IMPG1: variants seen among roughly 807,000 people sequenced by gnomAD.
The protein encoded by IMPG1 is interphotoreceptor matrix proteoglycan 1.
In IMPG1, 85 loss-of-function variants were observed where a neutral mutation model predicts 92.0. The ratio of observed to expected loss-of-function variants is 0.92; its 90% confidence interval spans 0.78 to 1.11. IMPG1 has a LOEUF of 1.11. Among genes scored for constraint, IMPG1 ranks in the 50% least tolerant of loss-of-function variants. IMPG1 has a pLI of 0.00. For missense variants in IMPG1, 1,022 were observed against 956.0 expected, an observed-to-expected ratio of 1.07 and a Z score of -0.91; for synonymous variants, 367 against 334.1, an observed-to-expected ratio of 1.10 and a Z score of -1.08.
At chr6:75,974,432 C>CCTTCCTTCCTTCCTTCCTTCCTTCCTTT (rs1782498279) in intron 12 of IMPG1, among the ~76,000 whole-genome samples, 2 of 137,558 alleles carry the variant, frequency 1.5e-5, no homozygotes, top group Non-Finnish European at 3.1e-5. Flanking sequence ...TTCCTTGCTT[C>CCTTCCTTCCTTCCTTCCTTCCTTCCTTT]CTTCCTTCCT....
chr6:76,022,224 G>T lies in IMPG1; in HGVS notation c.563-5C>A. ...CAAGTGAGACGTTGGCAACATCTGT[G>T]AAAATTTTAAAAATTAAAGACACAA... is the stretch of plus-strand genomic sequence containing the variant. On this transcript the variant is annotated splice_polypyrimidine_tract_variant and splice_region_variant and intron_variant, in intron 5 of 16. Coordinates refer to ENST00000369950, the MANE Select transcript of IMPG1 (RefSeq NM_001563.4). 6.5e-7 allele frequency: 1 copy of T among 1,544,850 alleles called. No individual in the cohort carries two copies. Among genetic ancestry groups the T allele is most frequent in the South Asian group, 1.1e-5 (1 of 89,372 alleles).
rs563216347 is a variant in IMPG1 at position 76,026,892 on chromosome 6, A to G, written c.498-1634T>C. On this transcript the variant is annotated intron_variant, in intron 4 of 16. Transcript: ENST00000369950. ...GGGCATGGCTTGTAACTCCAGTGGCAAGACTTTGCCTTATGGAATGAGCCC... is the reference window on the plus strand; with the variant it reads ...GGGCATGGCTTGTAACTCCAGTGGCGAGACTTTGCCTTATGGAATGAGCCC... Among the ~76,000 whole-genome samples the G allele has an allele frequency of 2.0e-5, 3 of 152,298 alleles. No homozygotes were observed. In the South Asian group the frequency reaches 6.2e-4, roughly 32 times the overall value.
At chr6:76,023,825 A>C (rs1291201915) in intron 5 of IMPG1, among the ~76,000 whole-genome samples, 1 of 152,194 alleles carries the variant, frequency 6.6e-6, no homozygotes, top group East Asian at 1.9e-4. Flanking sequence ...TAATCTTGTT[A>C]TTACAAAAGT....
rs559748907 is a variant in IMPG1, at chr6:76,049,410, G to T, written c.68-7284C>A. Among the ~76,000 whole-genome samples the T allele has an allele frequency of 5.3e-5, 8 of 152,236 alleles. No individual in the cohort carries two copies. The East Asian group carries it at 1.5e-3, about 29-fold the overall frequency. Reference sequence around the variant, plus strand: ...CAAAAGCAAGGTCCTAGTGAGTGAAGATTTCCTCTGATACCACATGCATAG... The same window carrying T: ...CAAAAGCAAGGTCCTAGTGAGTGAATATTTCCTCTGATACCACATGCATAG... On this transcript the variant is annotated intron_variant, in intron 1 of 16. Coordinates refer to ENST00000369950, the MANE Select transcript of IMPG1 (RefSeq NM_001563.4).
chr6:76,015,054 G>T (rs1195915140), intron 7 of IMPG1, among the ~76,000 whole-genome samples: 1 of 152,118 alleles, frequency 6.6e-6, no homozygotes, highest in African/African-American at 2.4e-5. Context: ...AATGCACAGG[G>T]GCCTCCCTGA....
At position 76,034,880 on chromosome 6, in the gene IMPG1, C is replaced by T. The variant is rs1357338102; in HGVS notation, c.302-93G>A. Reference sequence around the variant, plus strand: ...AATAACATGGAAAATTATTTCATGGCTTATGTCGACACACTAATTTACAGT... The same window carrying T: ...AATAACATGGAAAATTATTTCATGGTTTATGTCGACACACTAATTTACAGT... On this transcript the variant is annotated intron_variant, in intron 2 of 16. Transcript: ENST00000369950. 3.9e-6 allele frequency: 4 copies of T among 1,031,694 alleles called. No homozygotes were observed. The African/African-American group carries it at 6.4e-5, about 16-fold the overall frequency. The allele number at this position is 1,031,694 out of a possible 1,614,324, so 63.9% of individuals were successfully genotyped here. A position where few individuals can be genotyped will look rare whatever the true frequency, so the allele number is the denominator to read the frequency against.
chr6:76,022,282 G>A, intron 5 of IMPG1, 63 bp from the exon 6 acceptor site: 3 of 865,698 alleles, frequency 3.5e-6, no homozygotes, highest in Non-Finnish European at 5.6e-6. Flanking sequence ...ATTAGAACGA[G>A]GTCAAAATTC....
At chr6:76,013,990 A>T (rs1035136787) in intron 7 of IMPG1, among the ~76,000 whole-genome samples, 3 of 152,184 alleles carry the variant, frequency 2.0e-5, no homozygotes, top group Admixed American at 6.5e-5. Context: ...GAGGAATCAC[A>T]GTGATGAAGG....
At chr6:75,926,814 GGAGTA>G (rs56694907) in intron 15 of IMPG1, among the ~76,000 whole-genome samples, 25,057 of 152,022 alleles carry the variant, frequency 0.16, 2,146 homozygotes, top group East Asian at 0.26. Context: ...AAAAATATAT[GGAGTA>G]TAGTTACAAA....
chr6:76,041,869 A>G (rs761547418), intron 2 of IMPG1, 24 bp downstream of exon 2: 2 of 1,465,470 alleles, frequency 1.4e-6, no homozygotes, highest in Admixed American at 1.7e-5. Context: ...ACACAAGGCT[A>G]AACGGTTTCA....
intron 5 of IMPG1, among the ~76,000 whole-genome samples, chr6:76,022,898 G>A (rs1287633152): frequency 6.6e-6 from 1 of 152,170 alleles, no homozygotes; most frequent in Non-Finnish European, 1.5e-5. Context: ...TATTTAGCCA[G>A]AAACAACTTT....
In IMPG1 at chr6:75,924,735, A is replaced by AAT. The variant is rs1554226583; in HGVS notation, c.2244-1031_2244-1030dup. ...TATAATATATAATATAATTATATAT[A>AAT]ATATATAATATATAATATATCATAT... On this transcript the variant is annotated intron_variant, in intron 15 of 16. Coordinates refer to ENST00000369950, the MANE Select transcript of IMPG1 (RefSeq NM_001563.4). Among the ~76,000 whole-genome samples, 2 of 22,414 alleles carry AAT rather than the reference A, an allele frequency of 8.9e-5. 1 individual carries two copies. Among genetic ancestry groups the AAT allele is most frequent in the Non-Finnish European group, 1.5e-4 (2 of 13,188 alleles). 14.7% of individuals were successfully genotyped at this position (22,414 alleles called of 152,430 possible). A position where few individuals can be genotyped will look rare whatever the true frequency, so the allele number is the denominator to read the frequency against.
chr6:75,971,383 G>A (rs1430772861), intron 12 of IMPG1, among the ~76,000 whole-genome samples: 1 of 151,714 alleles, frequency 6.6e-6, no homozygotes, highest in Non-Finnish European at 1.5e-5. Context: ...ACGAGTTAGT[G>A]GGTGCAGCGC....
chr6:76,018,771 C>T lies in IMPG1; in HGVS notation c.754G>A (p.Ala252Thr), dbSNP rs201003227. 1.5e-4 allele frequency: 242 copies of T among 1,613,160 alleles called. 1 individual carries two copies. Among genetic ancestry groups the T allele is most frequent in the Admixed American group, 1.7e-4 (10 of 59,896 alleles). ...LVNQKFKAEL[A>T]DSQSPYYQEL... Reference sequence around the variant, plus strand: ...TGGTAATATGGGGACTGGGAGTCAGCGAGCTCTGCCTTGAACTTCTGGTTT... The same window carrying T: ...TGGTAATATGGGGACTGGGAGTCAGTGAGCTCTGCCTTGAACTTCTGGTTT... The change falls in exon 7 of 17, where the codon GCT becomes ACT. Residue 252 changes from alanine to threonine, a missense_variant. Physicochemically the swap from Ala to Thr is moderately conservative, Grantham distance 58 (BLOSUM62 0). Transcript: ENST00000369950.
intron 4 of IMPG1, among the ~76,000 whole-genome samples, chr6:76,030,422 G>T (rs765090191): frequency 3.9e-5 from 6 of 152,152 alleles, no homozygotes; most frequent in Non-Finnish European, 5.9e-5. Flanking sequence ...TCTTCAGTCT[G>T]TACCCCTTTC....
intron 12 of IMPG1, among the ~76,000 whole-genome samples, chr6:75,969,526 G>A (rs1169876205): frequency 6.6e-6 from 1 of 152,098 alleles, no homozygotes; most frequent in East Asian, 1.9e-4. Flanking sequence ...AGGATCACTT[G>A]AAGTGAGGAG....
At chr6:75,999,055 C>T (rs1782943881) in intron 12 of IMPG1, among the ~76,000 whole-genome samples, 1 of 152,092 alleles carries the variant, frequency 6.6e-6, no homozygotes. Context: ...CAGGGTTTCA[C>T]CATGTTGGCC....
At chr6:76,023,491 A>C (rs1459948569) in intron 5 of IMPG1, among the ~76,000 whole-genome samples, 1 of 152,244 alleles carries the variant, frequency 6.6e-6, no homozygotes, top group African/African-American at 2.4e-5. Flanking sequence ...AACAATTATT[A>C]GGTAGCCTGG....
intron 4 of IMPG1, among the ~76,000 whole-genome samples, chr6:76,028,527 T>C (rs1448830027): frequency 6.6e-6 from 1 of 152,204 alleles, no homozygotes; most frequent in Non-Finnish European, 1.5e-5. Context: ...TTTGAACTAT[T>C]TATAGCCTTT....
Sources: allele counts gnomAD v4.1 joint callset (sites outside exome capture counted in the v4.1 genomes callset), GRCh38; gene constraint gnomAD v4.1.1; transcripts MANE v1.5; gene names NCBI Gene and HGNC (gene_info 2026-07-23, HGNC 2026-07-21).